SBF2: variants seen among roughly 807,000 people sequenced by gnomAD.
SBF2 encodes the protein myotubularin-related protein 13.
Under a neutral mutation model 225.2 loss-of-function variants are expected in SBF2, and 112 were observed. The ratio of observed to expected loss-of-function variants is 0.50; its 90% CI spans 0.43 to 0.58. SBF2 has a LOEUF of 0.58. Ranked by LOEUF, SBF2 falls within the 20% of genes least tolerant of loss-of-function variation. The pLI is 0.00. For synonymous variants in SBF2, 763 were observed against 773.3 expected, an observed-to-expected ratio of 0.99 and a Z score of 0.22; for missense variants, 1,996 against 2,206.2, an observed-to-expected ratio of 0.90 and a Z score of 1.91.
At chr11:10,021,729 T>G (rs1449327703) in intron 6 of SBF2, among the ~76,000 whole-genome samples, 1 of 152,210 alleles carries the variant, frequency 6.6e-6, no homozygotes, top group Admixed American at 6.5e-5. Flanking sequence ...TTCCTGTCTG[T>G]GCTTTGTAAA....
intron 17 of SBF2, among the ~76,000 whole-genome samples, chr11:9,873,250 A>G (rs939572714): frequency 6.7e-6 from 1 of 149,690 alleles, no homozygotes; most frequent in African/African-American, 2.4e-5. Context: ...AAAATGCTCT[A>G]TGTAGTTTGT....
intron 38 of SBF2, chr11:9,782,894 A>C (rs1852118175): frequency 6.6e-6 from 1 of 151,986 alleles, no homozygotes; most frequent in South Asian, 2.1e-4. Flanking sequence ...AAAAAAGAAA[A>C]AAGGAAAAAA....
chr11:10,150,398 T>C (rs927631979), intron 2 of SBF2, among the ~76,000 whole-genome samples: 44 of 152,154 alleles, frequency 2.9e-4, no homozygotes, highest in African/African-American at 1.1e-3. Context: ...ACTATTTTCA[T>C]TCCTGACCAA....
At chr11:9,803,023 A>G (rs1853580327) in intron 32 of SBF2, among the ~76,000 whole-genome samples, 1 of 152,224 alleles carries the variant, frequency 6.6e-6, no homozygotes, top group Non-Finnish European at 1.5e-5. Flanking sequence ...TTATGTTTTA[A>G]TTTAAAAAAT....
intron 14 of SBF2, among the ~76,000 whole-genome samples, chr11:9,965,938 T>G (rs1186158224): frequency 6.6e-6 from 1 of 152,228 alleles, no homozygotes; most frequent in East Asian, 1.9e-4. Flanking sequence ...TATATTAGAA[T>G]AGAAAACTTA....
At chr11:10,030,965 C>T in intron 4 of SBF2, 83 bp downstream of exon 4, 1 of 1,188,520 alleles carries the variant, frequency 8.4e-7, no homozygotes, top group Non-Finnish European at 1.2e-6. Flanking sequence ...ACAATATTTT[C>T]AATCCAAAGA....
At chr11:10,216,988 A>G (rs1478524416) in intron 1 of SBF2, among the ~76,000 whole-genome samples, 1 of 152,248 alleles carries the variant, frequency 6.6e-6, no homozygotes, top group East Asian at 1.9e-4. Context: ...AAAATCATAA[A>G]TAATACAGGA....
intron 1 of SBF2, among the ~76,000 whole-genome samples, chr11:10,249,597 A>G (rs1007636087): frequency 8.5e-5 from 13 of 152,106 alleles, no homozygotes; most frequent in Admixed American, 8.5e-4. Context: ...GTGGAATTCC[A>G]GTTCATAATA....
chr11:9,892,683 T>C lies in SBF2; in HGVS notation c.1929+3260A>G, dbSNP rs972418835. On this transcript the variant is annotated intron_variant, in intron 17 of 39. Transcript: ENST00000256190. ...CAAGCAATTCTCCTGCCACAGCCTCTCAAGTAGCTGGGATTACAGGCATAC... is the reference window on the plus strand; with the variant it reads ...CAAGCAATTCTCCTGCCACAGCCTCCCAAGTAGCTGGGATTACAGGCATAC... Among the ~76,000 whole-genome samples, 11 of 151,876 alleles carry C rather than the reference T, an allele frequency of 7.2e-5. 2 individuals are homozygous for C. The highest frequency in any genetic ancestry group is 7.2e-4 in the Admixed American group (11 of 15,228).
chr11:10,233,285 T>C (rs1396173769), intron 1 of SBF2, among the ~76,000 whole-genome samples: 3 of 152,152 alleles, frequency 2.0e-5, no homozygotes, highest in South Asian at 2.1e-4. Context: ...TTTGACAAGA[T>C]TTCTTCACAT....
chr11:9,898,476 G>A (rs1861454030), intron 16 of SBF2, among the ~76,000 whole-genome samples: 1 of 152,114 alleles, frequency 6.6e-6, no homozygotes, highest in Non-Finnish European at 1.5e-5. Flanking sequence ...TTCAAGACCA[G>A]CCTGGGCAAC....
At chr11:10,251,365 G>A (rs1378227997) in intron 1 of SBF2, among the ~76,000 whole-genome samples, 3 of 152,212 alleles carry the variant, frequency 2.0e-5, no homozygotes, top group Admixed American at 6.5e-5. Context: ...CTCTATAGCA[G>A]ATTCTACTGT....
chr11:9,952,967 G>A (rs1865945634), intron 16 of SBF2, among the ~76,000 whole-genome samples: 1 of 152,214 alleles, frequency 6.6e-6, no homozygotes, highest in Non-Finnish European at 1.5e-5. Context: ...GTGGAAAACA[G>A]TGTGGAGATT....
chr11:10,137,681 T>C (rs1394463274), intron 2 of SBF2, among the ~76,000 whole-genome samples: 1 of 152,168 alleles, frequency 6.6e-6, no homozygotes, highest in Non-Finnish European at 1.5e-5. Context: ...TGTCTTTGTC[T>C]GCTTTTGGTA....
intron 13 of SBF2, among the ~76,000 whole-genome samples, chr11:9,971,378 A>G (rs1867316244): frequency 2.6e-5 from 4 of 152,114 alleles, no homozygotes; most frequent in Non-Finnish European, 4.4e-5. Flanking sequence ...GGTGGTTTAG[A>G]AAAAGCAGGA....
At chr11:10,156,349 G>A (rs528576613) in intron 2 of SBF2, among the ~76,000 whole-genome samples, 3 of 152,346 alleles carry the variant, frequency 2.0e-5, no homozygotes, top group African/African-American at 7.2e-5. Context: ...GCTTGCAGCT[G>A]CCCCTCGGCG....
chr11:9,983,571 T>C (rs989516132), intron 13 of SBF2, among the ~76,000 whole-genome samples: 16 of 152,240 alleles, frequency 1.1e-4, no homozygotes, highest in Middle Eastern at 3.4e-3. Context: ...CTCTCCACAC[T>C]ACTACACCTG....
chr11:10,028,286 C>T (rs2134626041), intron 6 of SBF2, among the ~76,000 whole-genome samples, 166 bp downstream of exon 6: 1 of 152,176 alleles, frequency 6.6e-6, no homozygotes, highest in Middle Eastern at 3.4e-3. Flanking sequence ...AAAGAATGAA[C>T]AGTAGGTAAG....
intron 2 of SBF2, among the ~76,000 whole-genome samples, chr11:10,166,988 CAA>C (rs1196755101): frequency 2.6e-5 from 4 of 151,534 alleles, no homozygotes; most frequent in African/African-American, 9.7e-5. Context: ...CACACACACA[CAA>C]AAAGGCTACT....
Sources: gnomAD v4.1 joint callset for allele counts (sites outside exome capture counted in the v4.1 genomes callset) on GRCh38, gnomAD v4.1.1 for gene constraint, MANE v1.5 for transcripts, NCBI Gene and HGNC (gene_info 2026-07-23, HGNC 2026-07-21) for gene names.